BLVRA: variants seen among roughly 807,000 people sequenced by gnomAD.
BLVRA encodes biliverdin reductase A.
A neutral mutation model predicts 32.8 loss-of-function variants in BLVRA; 22 were observed. The observed-to-expected ratio is 0.67, with a 90% CI of 0.48 to 0.96. The LOEUF is 0.96. Ranked by LOEUF, BLVRA falls within the 40% of genes least tolerant of loss-of-function variation. The pLI, the probability that BLVRA is intolerant of heterozygous loss-of-function variation, is 0.00. For synonymous variants in BLVRA, 119 were observed against 141.3 expected (o/e 0.84, Z 1.12); for missense variants, 323 against 358.1 (o/e 0.90, Z 0.79).
At chr7:43,765,024 G>A (rs902660645) in intron 1 of BLVRA, among the ~76,000 whole-genome samples, 6 of 152,150 alleles carry the variant, frequency 3.9e-5, no homozygotes, top group African/African-American at 4.8e-5. Flanking sequence ...ACCTGAGCCC[G>A]TTGTGTTTCG....
chr7:43,800,272 C>G (rs1427564814), intron 5 of BLVRA, 193 bp from the exon 6 acceptor site: 6 of 588,306 alleles, frequency 1.0e-5, no homozygotes, highest in Middle Eastern at 5.3e-4. Flanking sequence ...TCATTCATTT[C>G]TGTTGTAAGC....
At chr7:43,771,940 GA>G in intron 2 of BLVRA, among the ~76,000 whole-genome samples, 1 of 152,276 alleles carries the variant, frequency 6.6e-6, no homozygotes, top group South Asian at 2.1e-4. Context: ...TTAGCATCAG[GA>G]TCCCTTTTCA....
Position 43,791,342 on chromosome 7 carries a change from G to A in BLVRA, c.228G>A (p.Glu76=). ...QEVEVAYICS[E]SSSHEDYIRQ... ...TGGAGGTCGCCTATATCTGCAGTGA[G>A]AGCTCCAGCCATGAGGACTACATCA... The change falls in exon 4 of 8, where the codon GAG becomes GAA. Residue 76 remains glutamate, a synonymous_variant. Coordinates refer to ENST00000265523, the MANE Select transcript of BLVRA (RefSeq NM_000712.4). 1 of 1,614,144 alleles carries A rather than the reference G, an allele frequency of 6.2e-7. No individual in the cohort carries two copies. Among genetic ancestry groups the A allele is most frequent in the Non-Finnish European group, 8.5e-7 (1 of 1,180,024 alleles).
At chr7:43,778,686 G>A (rs1232128808) in intron 2 of BLVRA, among the ~76,000 whole-genome samples, 2 of 152,256 alleles carry the variant, frequency 1.3e-5, no homozygotes, top group Non-Finnish European at 2.9e-5. Flanking sequence ...CTTCAAAGCT[G>A]TCAGACAGGA....
intron 4 of BLVRA, chr7:43,791,689 A>G (rs1260505254): frequency 1.3e-5 from 4 of 311,104 alleles, no homozygotes; most frequent in Non-Finnish European, 2.5e-5. Flanking sequence ...CCTTCTTCTC[A>G]CCAGACAGTT....
intron 3 of BLVRA, among the ~76,000 whole-genome samples, chr7:43,788,628 G>T (rs1223770585): frequency 6.6e-6 from 1 of 151,318 alleles, no homozygotes; most frequent in Non-Finnish European, 1.5e-5. Context: ...TATTTTTTTT[G>T]AGACAGAGTC....
chr7:43,759,287 G>T (rs1306529792), intron 1 of BLVRA, among the ~76,000 whole-genome samples: 1 of 152,246 alleles, frequency 6.6e-6, no homozygotes, highest in Admixed American at 6.5e-5. Flanking sequence ...ACGGTGTGAG[G>T]GTTACATGAC....
At position 43,803,742 on chromosome 7, in the gene BLVRA, T is replaced by C. The variant is rs767396103; in HGVS notation, c.527T>C (p.Leu176Pro). ...AFSGISRLTW[L>P]VSLFGELSLV... ...AGCGGCATCTCTCGCCTGACCTGGCTGGTCTCCCTCTTTGGGGAGCTTTCT... is the reference window on the plus strand; with the variant it reads ...AGCGGCATCTCTCGCCTGACCTGGCCGGTCTCCCTCTTTGGGGAGCTTTCT... Residue 176 changes from leucine to proline, a missense_variant, in exon 7 of 8, where the codon CTG (leucine) becomes CCG (proline). By Grantham distance (98) the Leu-to-Pro change is moderately conservative. Transcript: ENST00000265523. The C allele has an allele frequency of 8.2e-5, 133 of 1,614,060 alleles. No homozygotes were observed. Among genetic ancestry groups the C allele is most frequent in the Non-Finnish European group, 1.0e-4 (123 of 1,180,012 alleles).
chr7:43,776,564 G>A (rs2095761223), intron 2 of BLVRA, among the ~76,000 whole-genome samples: 1 of 152,104 alleles, frequency 6.6e-6, no homozygotes, highest in Admixed American at 6.6e-5. Context: ...ACTTCCAACT[G>A]TGTGGTCAGT....
chr7:43,768,317 G>T (rs1025902482), intron 1 of BLVRA, among the ~76,000 whole-genome samples: 3 of 152,098 alleles, frequency 2.0e-5, no homozygotes, highest in African/African-American at 7.2e-5. Flanking sequence ...GGTAGTTCAG[G>T]ACTGACAGGA....
At chr7:43,774,611 T>C (rs2095758572) in intron 2 of BLVRA, among the ~76,000 whole-genome samples, 1 of 152,242 alleles carries the variant, frequency 6.6e-6, no homozygotes, top group Non-Finnish European at 1.5e-5. Flanking sequence ...AGGATTGACT[T>C]GGCAATGCGG....
At chr7:43,782,306 C>T (rs1400179800) in intron 2 of BLVRA, among the ~76,000 whole-genome samples, 1 of 152,162 alleles carries the variant, frequency 6.6e-6, no homozygotes, top group Admixed American at 6.5e-5. Flanking sequence ...GGCCCAGAGG[C>T]TGGCTGGAGG....
intron 1 of BLVRA, among the ~76,000 whole-genome samples, chr7:43,759,156 C>G (rs913908353): frequency 2.6e-5 from 4 of 152,234 alleles, no homozygotes; most frequent in African/African-American, 7.2e-5. Flanking sequence ...GGCCGGGACC[C>G]GCCTGGGATG....
At chr7:43,784,842 CA>C (rs913096912) in intron 2 of BLVRA, among the ~76,000 whole-genome samples, 6 of 152,238 alleles carry the variant, frequency 3.9e-5, no homozygotes, top group African/African-American at 1.4e-4. Flanking sequence ...CTCCTGACCT[CA>C]AGTGATCCGC....
intron 6 of BLVRA, among the ~76,000 whole-genome samples, chr7:43,801,873 G>A (rs949188282): frequency 1.3e-5 from 2 of 152,082 alleles, no homozygotes; most frequent in Non-Finnish European, 2.9e-5. Flanking sequence ...AGTGGCTCAC[G>A]CCTGTAATTC....
Position 43,791,373 on chromosome 7 carries a change from G to A in BLVRA, c.254+5G>A, listed in dbSNP as rs1046975650. 2 of 1,613,998 alleles carry A rather than the reference G, an allele frequency of 1.2e-6. No individual in the cohort carries two copies. The highest frequency in any genetic ancestry group is 1.7e-6 in the Non-Finnish European group (2 of 1,180,000). On this transcript the variant is annotated splice_donor_5th_base_variant and intron_variant, in intron 4 of 7. Coordinates refer to ENST00000265523, the MANE Select transcript of BLVRA (RefSeq NM_000712.4). ...CAGCCATGAGGACTACATCAGGTGG[G>A]TTTTCCACACAGGCAGTCCTTGCCT...
intron 7 of BLVRA, among the ~76,000 whole-genome samples, chr7:43,806,222 A>G (rs1338714481): frequency 6.6e-6 from 1 of 152,174 alleles, no homozygotes; most frequent in African/African-American, 2.4e-5. Flanking sequence ...CTGAGGCAGG[A>G]GAATCGTTTG....
At position 43,787,526 on chromosome 7, in the gene BLVRA, T is replaced by G. The variant is rs971649269; in HGVS notation, c.13-378T>G. ...AGTAGTATCAGATTCATGTGTCCACTGGAGGAGGGACCCAGGGAGGGCAGA... is the reference window on the plus strand; with the variant it reads ...AGTAGTATCAGATTCATGTGTCCACGGGAGGAGGGACCCAGGGAGGGCAGA... On this transcript the variant is annotated intron_variant, in intron 2 of 7. Coordinates refer to ENST00000265523, the MANE Select transcript of BLVRA (RefSeq NM_000712.4). The surrounding 1 kb of genome is among the most constrained non-coding windows in gnomAD (Gnocchi z 4.5). Among the ~76,000 whole-genome samples, 1 of 152,104 alleles carries G rather than the reference T, an allele frequency of 6.6e-6. No individual in the cohort carries two copies. Among genetic ancestry groups the G allele is most frequent in the Non-Finnish European group, 1.5e-5 (1 of 68,018 alleles).
At chr7:43,801,081 C>G (rs897400360) in intron 6 of BLVRA, among the ~76,000 whole-genome samples, 11 of 152,126 alleles carry the variant, frequency 7.2e-5, no homozygotes, top group African/African-American at 2.7e-4. Context: ...CTCACTGTAG[C>G]CTCAACCTCC....
Sources: gnomAD v4.1 joint callset for allele counts (sites outside exome capture counted in the v4.1 genomes callset) on GRCh38, gnomAD v4.1.1 for gene constraint, Gnocchi (gnomAD v3.1) non-coding constraint, MANE v1.5 for transcripts, NCBI Gene and HGNC (gene_info 2026-07-23, HGNC 2026-07-21) for gene names.